The following DDAH1 variants were observed in gnomAD, a reference collection of about 807,000 sequenced individuals.
The protein encoded by DDAH1 is N(G),N(G)-dimethylarginine dimethylaminohydrolase 1.
A neutral mutation model predicts 28.8 loss-of-function variants in DDAH1; 19 were observed. The observed-to-expected ratio is 0.66, with a 90% CI of 0.46 to 0.97. DDAH1 has a LOEUF of 0.97. Ranked by LOEUF, DDAH1 falls within the 50% of genes least tolerant of loss-of-function variation. The pLI, the probability that DDAH1 is intolerant of heterozygous loss-of-function variation, is 0.00. For missense variants in DDAH1, 326 were observed against 375.9 expected, an observed-to-expected ratio of 0.87 and a Z score of 1.10; for synonymous variants, 153 against 154.4, an observed-to-expected ratio of 0.99 and a Z score of 0.07.
intron 2 of DDAH1, among the ~76,000 whole-genome samples, chr1:85,471,757 G>A (rs1283295942): frequency 1.3e-5 from 2 of 152,144 alleles, no homozygotes; most frequent in Non-Finnish European, 2.9e-5. Context: ...AAGTGCCCAC[G>A]ACAGTGATAG....
intron 1 of DDAH1, among the ~76,000 whole-genome samples, chr1:85,460,384 TG>T (rs1655075057): frequency 6.6e-6 from 1 of 152,194 alleles, no homozygotes; most frequent in Non-Finnish European, 1.5e-5. Context: ...TATTACCTGG[TG>T]CTAAGCATTG....
intron 2 of DDAH1, among the ~76,000 whole-genome samples, chr1:85,474,562 A>G (rs1403952): frequency 0.021 from 3,243 of 152,212 alleles, 116 homozygotes; most frequent in African/African-American, 0.073. Context: ...TCTATTCAAG[A>G]AGACTTCCCT....
At chr1:85,525,143 G>C (rs540987492) in intron 1 of DDAH1, among the ~76,000 whole-genome samples, 1 of 151,822 alleles carries the variant, frequency 6.6e-6, no homozygotes, top group African/African-American at 2.4e-5. Flanking sequence ...GGCTGATGTA[G>C]AAATGCTGGA....
At chr1:85,371,030 C>T (rs1450208130) in intron 1 of DDAH1, among the ~76,000 whole-genome samples, 2 of 152,104 alleles carry the variant, frequency 1.3e-5, no homozygotes, top group East Asian at 3.9e-4. Flanking sequence ...TTGCCTTGTC[C>T]ATTAATATTA....
rs10666315 is a variant in DDAH1, at chr1:85,325,354, T to TGCGC, written c.598-475_598-472dup. The stretch of plus-strand genomic sequence containing the variant: ...CCACACGTGTGTGCATGCACGTGCG[T>TGCGC]GCGCGCGCGCGCGCACACACACACG... On this transcript the variant is annotated intron_variant, in intron 4 of 5. Coordinates refer to ENST00000284031, the MANE Select transcript of DDAH1 (RefSeq NM_012137.4). 3.2e-3 allele frequency among the ~76,000 whole-genome samples: 488 copies of TGCGC among 151,252 alleles called. 3 individuals are homozygous for TGCGC. Among genetic ancestry groups the TGCGC allele is most frequent in the South Asian group, 0.021 (99 of 4,772 alleles).
chr1:85,344,476 G>T (rs1648713549), intron 4 of DDAH1, among the ~76,000 whole-genome samples: 1 of 152,178 alleles, frequency 6.6e-6, no homozygotes, highest in Non-Finnish European at 1.5e-5. Context: ...CCTCCCAGGT[G>T]GGGTCAGCAG....
At chr1:85,525,986 CTG>C (rs1459313912) in intron 1 of DDAH1, among the ~76,000 whole-genome samples, 3 of 152,220 alleles carry the variant, frequency 2.0e-5, no homozygotes, top group African/African-American at 7.2e-5. Flanking sequence ...TTTTAGGTAA[CTG>C]TGTCTTACAG....
intron 2 of DDAH1, among the ~76,000 whole-genome samples, chr1:85,481,957 GC>G: frequency 6.6e-6 from 1 of 152,298 alleles, no homozygotes; most frequent in East Asian, 1.9e-4. Flanking sequence ...TGTTGTCACT[GC>G]CACTGTTACT....
At chr1:85,425,305 C>T (rs996153802) in intron 1 of DDAH1, among the ~76,000 whole-genome samples, 1 of 151,976 alleles carries the variant, frequency 6.6e-6, no homozygotes, top group African/African-American at 2.4e-5. Flanking sequence ...AGTAATTTTA[C>T]TCAGTTTTCT....
Position 85,321,305 on chromosome 1 carries a change from A to C in DDAH1, c.*147T>G. 2 of 648,142 alleles carry C rather than the reference A, an allele frequency of 3.1e-6. No individual in the cohort carries two copies. The highest frequency in any genetic ancestry group is 5.5e-6 in the Non-Finnish European group (2 of 361,122). The allele number at this position is 648,142 out of a possible 1,614,324, so 40.1% of individuals were successfully genotyped here. On this transcript the variant is annotated 3_prime_UTR_variant, in exon 6 of 6. Transcript: ENST00000284031. ...GGAGGGAGGGTGGGGGTGTTGAATGAAGCAATTCAACTTAGAATCAAATTT... is the reference window on the plus strand; with the variant it reads ...GGAGGGAGGGTGGGGGTGTTGAATGCAGCAATTCAACTTAGAATCAAATTT...
chr1:85,382,589 T>TAAAC, intron 1 of DDAH1, among the ~76,000 whole-genome samples: 1 of 152,344 alleles, frequency 6.6e-6, no homozygotes, highest in African/African-American at 2.4e-5. Flanking sequence ...ATGGTTATAC[T>TAAAC]AAACAAAAGT....
intron 1 of DDAH1, among the ~76,000 whole-genome samples, chr1:85,499,060 C>T (rs1344820786): frequency 6.6e-6 from 1 of 151,956 alleles, no homozygotes. Flanking sequence ...GTAGCTGTAA[C>T]CTCAACATCG....
In DDAH1 at chr1:85,330,747, A is replaced by G. The variant is rs79206071; in HGVS notation, c.598-5864T>C. Among the ~76,000 whole-genome samples, 609 of 152,326 alleles carry G rather than the reference A, an allele frequency of 4.0e-3. 4 individuals are homozygous for G. The highest frequency in any genetic ancestry group is 0.014 in the African/African-American group (577 of 41,578). Reference sequence around the variant, plus strand: ...TTTATGGAAACTAATTTGAGTGATTATTATGGGGATTAGATCAATTGGTGG... The same window carrying G: ...TTTATGGAAACTAATTTGAGTGATTGTTATGGGGATTAGATCAATTGGTGG... On this transcript the variant is annotated intron_variant, in intron 4 of 5. Coordinates refer to ENST00000284031, the MANE Select transcript of DDAH1 (RefSeq NM_012137.4).
intron 5 of DDAH1, among the ~76,000 whole-genome samples, chr1:85,323,202 T>C (rs1661424733): frequency 6.6e-6 from 1 of 152,030 alleles, no homozygotes; most frequent in African/African-American, 2.4e-5. Flanking sequence ...ATTTAAAAGG[T>C]AGTATAAAAT....
intron 1 of DDAH1, 58 bp from the exon 2 acceptor site, chr1:85,358,905 C>T (rs776376656): frequency 8.1e-5 from 101 of 1,250,360 alleles, no homozygotes; most frequent in Non-Finnish European, 1.1e-4. Context: ...AAGAAAAAAA[C>T]ATCCAAAACA....
intron 1 of DDAH1, among the ~76,000 whole-genome samples, chr1:85,504,733 A>T (rs1004861618): frequency 2.6e-5 from 4 of 152,052 alleles, no homozygotes; most frequent in Non-Finnish European, 5.9e-5. Context: ...ATACGCTAAA[A>T]AGCATGAGAA....
chr1:85,462,810 C>G (rs1327806020), intron 1 of DDAH1, among the ~76,000 whole-genome samples: 1 of 152,204 alleles, frequency 6.6e-6, no homozygotes, highest in Non-Finnish European at 1.5e-5. Context: ...AGGCAGGCAC[C>G]AGCAGGAGAC....
chr1:85,546,757 T>C (rs1053274855), intron 1 of DDAH1, among the ~76,000 whole-genome samples: 6 of 152,170 alleles, frequency 3.9e-5, no homozygotes, highest in Admixed American at 3.9e-4. Flanking sequence ...GGCAGAGCTT[T>C]ATTTGAGAAA....
rs772420099 is a variant in DDAH1, at chr1:85,358,831, T to G, written c.320A>C (p.Glu107Ala). 1.2e-6 allele frequency: 2 copies of G among 1,605,300 alleles called. No individual in the cohort carries two copies. The highest frequency in any genetic ancestry group is 4.5e-5 in the East Asian group (2 of 44,836). Residue 107 changes from glutamate to alanine, a missense_variant, in exon 2 of 6, where the codon GAA becomes GCA. Glu to Ala is a moderately radical substitution (Grantham distance 107, BLOSUM62 -1). Transcript: ENST00000284031. ...SRRKEVDMMK[E>A]ALEKLQLNIV... ...ATTGAGCTGAAGTTTTTCTAATGCT[T>G]CTTTCATCATGTCAACCTGTTGAAA...
Sources: gnomAD v4.1 joint callset for allele counts (sites outside exome capture counted in the v4.1 genomes callset) on GRCh38, gnomAD v4.1.1 for gene constraint, MANE v1.5 for transcripts, NCBI Gene and HGNC (gene_info 2026-07-23, HGNC 2026-07-21) for gene names.